The following C3orf33 variants were observed in gnomAD, a reference collection of about 807,000 sequenced individuals.
C3orf33 encodes mitochondrial inner membrane subdomain organizer 1.
A neutral mutation model predicts 28.7 loss-of-function variants in C3orf33; 23 were observed. The observed-to-expected ratio is 0.80, with a 90% CI of 0.58 to 1.13. The LOEUF is 1.13. C3orf33 is among the 50% of genes most tolerant of loss of function. The probability of loss-of-function intolerance (pLI) is 0.00; values close to 1 mark genes in which losing one functional copy is unlikely to be tolerated. For missense variants in C3orf33, 327 were observed against 353.4 expected (o/e 0.93, Z 0.60); for synonymous variants, 119 against 120.5 (o/e 0.99, Z 0.08).
intron 2 of C3orf33, among the ~76,000 whole-genome samples, chr3:155,788,677 T>C (rs1751217661): frequency 7.1e-6 from 1 of 140,978 alleles, no homozygotes; most frequent in African/African-American, 2.7e-5. Flanking sequence ...TGAGACTCCA[T>C]CAAAAAAAAA....
At chr3:155,772,696 G>A (rs1270522204) in intron 3 of C3orf33, among the ~76,000 whole-genome samples, 1 of 151,296 alleles carries the variant, frequency 6.6e-6, no homozygotes, top group African/African-American at 2.4e-5. Context: ...TGAGACAGTA[G>A]CAATAGCACA....
intron 4 of C3orf33, among the ~76,000 whole-genome samples, chr3:155,765,424 C>T (rs1260843639): frequency 6.6e-6 from 1 of 152,140 alleles, no homozygotes; most frequent in Non-Finnish European, 1.5e-5. Context: ...CCTTTATCAT[C>T]GTCATAATCA....
chr3:155,778,481 T>C (rs182432857), intron 2 of C3orf33, among the ~76,000 whole-genome samples: 12 of 152,328 alleles, frequency 7.9e-5, no homozygotes, highest in African/African-American at 2.6e-4. Flanking sequence ...AGAATACAAC[T>C]GTAGCAAAAT....
intron 2 of C3orf33, among the ~76,000 whole-genome samples, chr3:155,779,567 T>A (rs970476821): frequency 3.9e-5 from 6 of 152,140 alleles, no homozygotes; most frequent in African/African-American, 1.4e-4. Flanking sequence ...AGCGCTGGGA[T>A]TACAGGCGTG....
At chr3:155,800,226 A>C (rs1160998731) in intron 2 of C3orf33, among the ~76,000 whole-genome samples, 2 of 152,170 alleles carry the variant, frequency 1.3e-5, no homozygotes, top group African/African-American at 4.8e-5. Context: ...AATTAAAATG[A>C]AAAAAGGAAA....
intron 2 of C3orf33, among the ~76,000 whole-genome samples, chr3:155,788,052 G>A (rs1241369935): frequency 2.3e-4 from 35 of 151,948 alleles, no homozygotes; most frequent in African/African-American, 8.4e-4. Flanking sequence ...TTAGCCGGGC[G>A]TGGTGGCGGG....
intron 1 of C3orf33, chr3:155,804,275 T>C (rs915800001): frequency 1.2e-5 from 4 of 324,028 alleles, no homozygotes; most frequent in African/African-American, 9.2e-5. Flanking sequence ...TATGTTCTAA[T>C]TTACACAACT....
At chr3:155,770,579 TTGAG>T (rs1482559991) in intron 3 of C3orf33, among the ~76,000 whole-genome samples, 1 of 152,240 alleles carries the variant, frequency 6.6e-6, no homozygotes, top group African/African-American at 2.4e-5. Context: ...AAATTCCCCA[TTGAG>T]TATTTAAAAT....
chr3:155,778,858 T>C (rs1388214408), intron 2 of C3orf33, among the ~76,000 whole-genome samples: 1 of 152,178 alleles, frequency 6.6e-6, no homozygotes, highest in Non-Finnish European at 1.5e-5. Context: ...CAGTTTAATA[T>C]GATCATGAAT....
At chr3:155,784,830 A>T (rs73021536) in intron 2 of C3orf33, among the ~76,000 whole-genome samples, 1 of 151,698 alleles carries the variant, frequency 6.6e-6, no homozygotes, top group African/African-American at 2.4e-5. Context: ...AAAAAAACCT[A>T]TAAGGCATAT....
chr3:155,801,309 CAA>C (rs59221219), intron 2 of C3orf33, among the ~76,000 whole-genome samples: 1 of 122,886 alleles, frequency 8.1e-6, no homozygotes, highest in African/African-American at 3.1e-5. Context: ...AGACTCTGTC[CAA>C]AAAAAAAAAA....
At chr3:155,773,974 T>C (rs1404640629) in intron 3 of C3orf33, among the ~76,000 whole-genome samples, 3 of 152,188 alleles carry the variant, frequency 2.0e-5, no homozygotes, top group African/African-American at 7.2e-5. Context: ...ATCAAGTATG[T>C]TTGGGGGGGA....
At chr3:155,795,035 G>C (rs73159025) in intron 2 of C3orf33, among the ~76,000 whole-genome samples, 2 of 152,100 alleles carry the variant, frequency 1.3e-5, no homozygotes, top group Non-Finnish European at 2.9e-5. Flanking sequence ...TAATCTGCAC[G>C]ATAGACCAAA....
chr3:155,790,361 G>T (rs1322797491), intron 2 of C3orf33, among the ~76,000 whole-genome samples: 1 of 151,748 alleles, frequency 6.6e-6, no homozygotes, highest in Admixed American at 6.6e-5. Flanking sequence ...CTTCATGACA[G>T]TGGATTTGCC....
chr3:155,772,323 C>G (rs895281666), intron 3 of C3orf33, among the ~76,000 whole-genome samples: 2 of 152,148 alleles, frequency 1.3e-5, no homozygotes, highest in Non-Finnish European at 2.9e-5. Context: ...AGAAAACCTA[C>G]AGACATGAGA....
rs557470141 is a variant in C3orf33 at position 155,781,133 on chromosome 3, G to A, written c.175-5285C>T. On this transcript the variant is annotated intron_variant, in intron 2 of 4. Transcript: ENST00000340171. ...CTGCCTCAGCCTCCCGAGTAGCTGG[G>A]ACTACAGGCGTCCGCCACCGCGCCC... Among the ~76,000 whole-genome samples the A allele has an allele frequency of 2.0e-5, 3 of 151,916 alleles. No individual in the cohort carries two copies. In the East Asian group the frequency reaches 5.8e-4, roughly 29 times the overall value.
rs145618294 is a variant in C3orf33 at position 155,787,682 on chromosome 3, A to AT, written c.175-11835dup. ...CCCAGCTAATTTGTTTTATCTATTT[A>AT]TTTTTTTTTTTTGTAGAGATGGGGT... On this transcript the variant is annotated intron_variant, in intron 2 of 4. Transcript: ENST00000340171. Among the ~76,000 whole-genome samples the AT allele has an allele frequency of 4.3e-3, 595 of 139,094 alleles. 2 individuals are homozygous for AT. Among genetic ancestry groups the AT allele is most frequent in the African/African-American group, 9.8e-3 (374 of 38,010 alleles). 91.3% of individuals were successfully genotyped at this position (139,094 alleles called of 152,430 possible). A position where few individuals can be genotyped will look rare whatever the true frequency, so the allele number is the denominator to read the frequency against.
chr3:155,766,398 T>C (rs1750403054), intron 4 of C3orf33, among the ~76,000 whole-genome samples: 1 of 152,198 alleles, frequency 6.6e-6, no homozygotes, highest in South Asian at 2.1e-4. Context: ...GCAACATCTT[T>C]AGATGACTCA....
At chr3:155,768,928 C>T (rs1750492657) in intron 3 of C3orf33, among the ~76,000 whole-genome samples, 1 of 152,124 alleles carries the variant, frequency 6.6e-6, no homozygotes, top group Non-Finnish European at 1.5e-5. Flanking sequence ...GTAATCCCAG[C>T]ACTTTGGGAG....
Sources: gnomAD v4.1 joint callset for allele counts (sites outside exome capture counted in the v4.1 genomes callset) on GRCh38, gnomAD v4.1.1 for gene constraint, MANE v1.5 for transcripts, NCBI Gene and HGNC (gene_info 2026-07-23, HGNC 2026-07-21) for gene names.